ENPEP: variants seen among roughly 807,000 people sequenced by gnomAD.
ENPEP encodes AP-A.
ENPEP carries 103 observed loss-of-function variants against 114.5 expected under a neutral mutation model. The ratio of observed to expected loss-of-function variants is 0.90; its 90% CI spans 0.77 to 1.06. The LOEUF (loss-of-function observed/expected upper bound fraction) is 1.06. Ranked by LOEUF, ENPEP falls within the 50% of genes least tolerant of loss-of-function variation. The pLI is 0.00. For missense variants in ENPEP, 1,196 were observed against 1,161.3 expected (o/e 1.03, Z -0.43); for synonymous variants, 420 against 422.0 (o/e 1.00, Z 0.06).
At chr4:110,490,069 G>T (rs1307737159) in intron 2 of ENPEP, among the ~76,000 whole-genome samples, 3 of 152,162 alleles carry the variant, frequency 2.0e-5, no homozygotes, top group Non-Finnish European at 2.9e-5. Context: ...CTAGATGAAG[G>T]TGGGGGGAAA....
At chr4:110,542,525 A>G (rs904191267) in intron 11 of ENPEP, among the ~76,000 whole-genome samples, 1 of 152,064 alleles carries the variant, frequency 6.6e-6, no homozygotes, top group Non-Finnish European at 1.5e-5. Flanking sequence ...ATTACAGTAT[A>G]ATTATTTATA....
At chr4:110,477,429 T>G (rs1724154184) in intron 1 of ENPEP, among the ~76,000 whole-genome samples, 1 of 152,230 alleles carries the variant, frequency 6.6e-6, no homozygotes, top group African/African-American at 2.4e-5. Context: ...GCAATATATA[T>G]ACAGCAATAT....
At chr4:110,545,007 A>G (rs604612) in intron 13 of ENPEP, among the ~76,000 whole-genome samples, 51,461 of 151,926 alleles carry the variant, frequency 0.34, 9,454 homozygotes, top group East Asian at 0.64. Context: ...ACATGAGGAA[A>G]ATGGGACTCG....
intron 17 of ENPEP, among the ~76,000 whole-genome samples, chr4:110,550,623 C>T (rs1727253291): frequency 6.6e-6 from 1 of 152,080 alleles, no homozygotes; most frequent in Admixed American, 6.6e-5. Context: ...AATCAACAGG[C>T]TTCTTCCTTA....
Position 110,564,822 on chromosome 4 carries a change from G to C in ENPEP, c.*3264G>C, listed in dbSNP as rs1727775864. On this transcript the variant is annotated 3_prime_UTR_variant, in exon 20 of 20. Transcript: ENST00000265162. ...GCAGAAACGTCCAGAGCCAGCACTT[G>C]GTTTGCCATGTTCTCCGTGTTTCTT... 1 of 152,270 alleles carries C rather than the reference G, an allele frequency of 6.6e-6. No individual in the cohort carries two copies. The allele number at this position is 152,270 out of a possible 1,614,324, so 9.4% of individuals were successfully genotyped here.
At chr4:110,495,989 T>A (rs1724921668) in intron 3 of ENPEP, among the ~76,000 whole-genome samples, 1 of 152,208 alleles carries the variant, frequency 6.6e-6, no homozygotes, top group Admixed American at 6.5e-5. Flanking sequence ...ATCCATTTAA[T>A]TAGGTTTGTA....
At chr4:110,529,793 G>T (rs1726334474) in intron 10 of ENPEP, among the ~76,000 whole-genome samples, 1 of 152,196 alleles carries the variant, frequency 6.6e-6, no homozygotes, top group Non-Finnish European at 1.5e-5. Flanking sequence ...GACAAAGGGG[G>T]CCGGGCACAG....
At chr4:110,494,950 C>A (rs966196103) in intron 3 of ENPEP, among the ~76,000 whole-genome samples, 3 of 152,060 alleles carry the variant, frequency 2.0e-5, no homozygotes, top group African/African-American at 7.2e-5. Flanking sequence ...CTGAATTTCA[C>A]CCCAGAAAAA....
In ENPEP at chr4:110,476,452, G is replaced by A; in HGVS notation, c.38G>A (p.Cys13Tyr). The A allele has an allele frequency of 6.5e-7, 1 of 1,546,544 alleles. No individual in the cohort carries two copies. The highest frequency in any genetic ancestry group is 1.2e-5 in the South Asian group (1 of 80,330). ...FAEREGSKRY[C>Y]IQTKHVAILC... ...GAGAGAGAGGGCTCTAAGAGATACT[G>A]CATTCAAACGAAACATGTGGCCATT... Residue 13 changes from cysteine (C) to tyrosine (Y), a missense_variant, in exon 1 of 20, where the codon TGC becomes TAC. Cys to Tyr is a radical substitution (Grantham distance 194). Coordinates refer to ENST00000265162, the MANE Select transcript of ENPEP (RefSeq NM_001977.4).
At chr4:110,515,961 G>A (rs181650852) in intron 8 of ENPEP, 1 of 318,790 alleles carries the variant, frequency 3.1e-6, no homozygotes, top group Non-Finnish European at 6.3e-6. Flanking sequence ...AAGAGTCCCA[G>A]CCTCACGATA....
intron 14 of ENPEP, among the ~76,000 whole-genome samples, chr4:110,549,131 A>T (rs1045519615): frequency 2.6e-5 from 4 of 152,086 alleles, no homozygotes; most frequent in African/African-American, 9.7e-5. Context: ...AGTTTTATAA[A>T]ACATTACAGG....
chr4:110,513,765 T>C (rs138671644), intron 7 of ENPEP, among the ~76,000 whole-genome samples: 221 of 152,312 alleles, frequency 1.5e-3, no homozygotes, highest in African/African-American at 5.0e-3. Flanking sequence ...TTTTTAAGAA[T>C]TTCTCTTTAC....
intron 5 of ENPEP, 129 bp from the exon 6 acceptor site, chr4:110,510,116 A>G: frequency 1.3e-6 from 1 of 757,686 alleles, no homozygotes; most frequent in Non-Finnish European, 2.2e-6. Flanking sequence ...AATAAATGTT[A>G]AGTACAATGC....
chr4:110,535,406 T>G (rs1726574753), intron 11 of ENPEP, among the ~76,000 whole-genome samples: 1 of 152,248 alleles, frequency 6.6e-6, no homozygotes. Flanking sequence ...TTGTATTTGA[T>G]GACAAAGAGG....
intron 10 of ENPEP, 29 bp downstream of exon 10, chr4:110,520,395 CA>C: frequency 1.2e-6 from 2 of 1,609,174 alleles, no homozygotes; most frequent in Non-Finnish European, 1.7e-6. Flanking sequence ...TTGAAAAAAA[CA>C]CAGAAATTTG....
intron 3 of ENPEP, among the ~76,000 whole-genome samples, chr4:110,493,159 T>C (rs1724791765): frequency 6.6e-6 from 1 of 152,190 alleles, no homozygotes; most frequent in Non-Finnish European, 1.5e-5. Flanking sequence ...TGTAATATTA[T>C]ACTAACTAGG....
At chr4:110,535,874 C>T (rs1726597669) in intron 11 of ENPEP, among the ~76,000 whole-genome samples, 1 of 151,874 alleles carries the variant, frequency 6.6e-6, no homozygotes, top group South Asian at 2.1e-4. Context: ...GAGGCAAGAC[C>T]CTCTATCAGT....
At chr4:110,522,399 T>C (rs1726029965) in intron 10 of ENPEP, among the ~76,000 whole-genome samples, 1 of 152,106 alleles carries the variant, frequency 6.6e-6, no homozygotes, top group African/African-American at 2.4e-5. Context: ...GCCAGGATGG[T>C]CTTGATCTTC....
At chr4:110,504,377 C>G (rs1170189590) in intron 3 of ENPEP, among the ~76,000 whole-genome samples, 1 of 152,104 alleles carries the variant, frequency 6.6e-6, no homozygotes, top group African/African-American at 2.4e-5. Flanking sequence ...ATACCTAGTC[C>G]AAGGGCAGCA....
Sources: gnomAD v4.1 joint callset for allele counts (sites outside exome capture counted in the v4.1 genomes callset) on GRCh38, gnomAD v4.1.1 for gene constraint, MANE v1.5 for transcripts, NCBI Gene and HGNC (gene_info 2026-07-23, HGNC 2026-07-21) for gene names.